Variants in LRRTM4 observed in about 807,000 individuals in gnomAD.
LRRTM4 encodes the protein leucine-rich repeat transmembrane neuronal protein 4.
In LRRTM4, 25 loss-of-function variants were observed where a neutral mutation model predicts 47.6. The ratio of observed to expected loss-of-function variants is 0.53; its 90% CI spans 0.38 to 0.73. The LOEUF is 0.73. LRRTM4 is among the 30% of genes least tolerant of loss of function. The probability of loss-of-function intolerance (pLI) is 0.00; values close to 1 mark genes in which losing one functional copy is unlikely to be tolerated. For missense variants in LRRTM4, 638 were observed against 713.4 expected (o/e 0.89, Z 1.20); for synonymous variants, 311 against 269.5 (o/e 1.15, Z -1.51).
At chr2:76,873,506 G>GTGTGTATATATATATATA (rs367573475) in intron 3 of LRRTM4, among the ~76,000 whole-genome samples, 24 of 112,310 alleles carry the variant, frequency 2.1e-4, no homozygotes, top group African/African-American at 6.5e-4. Flanking sequence ...ATATATGTGT[G>GTGTGTATATATATATATA]TATATATATA....
At chr2:77,190,289 A>C (rs930541402) in intron 3 of LRRTM4, among the ~76,000 whole-genome samples, 2 of 107,526 alleles carry the variant, frequency 1.9e-5, no homozygotes, top group Admixed American at 1.1e-4. Flanking sequence ...GAGCATTTTC[A>C]TCTTTTTTTT....
chr2:77,351,155 A>G (rs931989838), intron 3 of LRRTM4, among the ~76,000 whole-genome samples: 1 of 152,070 alleles, frequency 6.6e-6, no homozygotes, highest in Admixed American at 6.6e-5. Flanking sequence ...CCCACTTATA[A>G]GTGAAAACAT....
At chr2:77,123,546 A>G (rs1008632512) in intron 3 of LRRTM4, among the ~76,000 whole-genome samples, 1 of 152,132 alleles carries the variant, frequency 6.6e-6, no homozygotes, top group Non-Finnish European at 1.5e-5. Flanking sequence ...TCATAAAACC[A>G]ATATATAATC....
chr2:76,863,527 A>G (rs1383411480), intron 3 of LRRTM4, among the ~76,000 whole-genome samples: 1 of 152,266 alleles, frequency 6.6e-6, no homozygotes, highest in South Asian at 2.1e-4. Flanking sequence ...TCACATAGCT[A>G]GTGTAGTAGG....
At chr2:76,783,021 T>C (rs917076333) in intron 3 of LRRTM4, among the ~76,000 whole-genome samples, 3 of 152,098 alleles carry the variant, frequency 2.0e-5, no homozygotes, top group Non-Finnish European at 4.4e-5. Flanking sequence ...TATATATATA[T>C]AAAGCTGAAC....
chr2:76,806,986 G>A (rs1238030731), intron 3 of LRRTM4, among the ~76,000 whole-genome samples: 1 of 151,992 alleles, frequency 6.6e-6, no homozygotes, highest in African/African-American at 2.4e-5. Flanking sequence ...AAATTAATGA[G>A]ACATCAACAA....
intron 3 of LRRTM4, among the ~76,000 whole-genome samples, chr2:77,493,616 G>A (rs10182084): frequency 0.33 from 49,702 of 151,830 alleles, 8,287 homozygotes; most frequent in Middle Eastern, 0.35. Flanking sequence ...ACAGCTTCAT[G>A]GAGAGAAGAT....
chr2:76,830,192 T>C (rs1378962143), intron 3 of LRRTM4, among the ~76,000 whole-genome samples: 1 of 152,026 alleles, frequency 6.6e-6, no homozygotes, highest in Non-Finnish European at 1.5e-5. Flanking sequence ...TCCAGATTCT[T>C]CCATATCTAT....
At chr2:76,843,884 T>G (rs1213428494) in intron 3 of LRRTM4, among the ~76,000 whole-genome samples, 1 of 151,818 alleles carries the variant, frequency 6.6e-6, no homozygotes, top group African/African-American at 2.4e-5. Context: ...CTTTAAAACA[T>G]TAATGATAAT....
At chr2:77,270,934 A>G (rs1676174139) in intron 3 of LRRTM4, among the ~76,000 whole-genome samples, 1 of 152,140 alleles carries the variant, frequency 6.6e-6, no homozygotes, top group South Asian at 2.1e-4. Flanking sequence ...ATATTCAAAA[A>G]CCAATCAGCA....
chr2:77,493,251 T>G (rs6728801), intron 3 of LRRTM4, among the ~76,000 whole-genome samples: 141,078 of 152,114 alleles, frequency 0.93, 65,460 homozygotes, highest in Middle Eastern at 0.94. Flanking sequence ...AATGACATAA[T>G]AATATATATT....
Position 77,009,975 on chromosome 2 carries a change from T to A in LRRTM4, c.1552-261059A>T, listed in dbSNP as rs200462008. On this transcript the variant is annotated intron_variant, in intron 3 of 3. Coordinates refer to ENST00000409884, the MANE Select transcript of LRRTM4 (RefSeq NM_001134745.3). The stretch of plus-strand genomic sequence containing the variant: ...TTTCATCAGGGCAGGACCCTTTTTT[T>A]AAAAAAAAAAAAGTTGATTTAACTT... Among the ~76,000 whole-genome samples, 181 of 145,688 alleles carry A rather than the reference T, an allele frequency of 1.2e-3. 1 individual carries two copies. The highest frequency in any genetic ancestry group is 2.0e-3 in the Non-Finnish European group (134 of 65,716).
intron 3 of LRRTM4, among the ~76,000 whole-genome samples, chr2:77,142,797 G>A (rs903845451): frequency 5.9e-5 from 9 of 152,146 alleles, no homozygotes; most frequent in Non-Finnish European, 8.8e-5. Context: ...CTCATAACAC[G>A]TAATCTCTAA....
chr2:77,031,074 G>T (rs535390802), intron 3 of LRRTM4, among the ~76,000 whole-genome samples: 1 of 152,040 alleles, frequency 6.6e-6, no homozygotes, highest in Non-Finnish European at 1.5e-5. Context: ...ATTTACTCAG[G>T]TTTGTAAGCA....
chr2:77,163,137 C>T (rs982084460), intron 3 of LRRTM4, among the ~76,000 whole-genome samples: 2 of 152,008 alleles, frequency 1.3e-5, no homozygotes, highest in Non-Finnish European at 2.9e-5. Flanking sequence ...CCTTAAATAA[C>T]CTGATGGAGC....
intron 3 of LRRTM4, among the ~76,000 whole-genome samples, chr2:76,990,517 A>G (rs1370107067): frequency 1.3e-5 from 2 of 151,814 alleles, no homozygotes; most frequent in East Asian, 3.9e-4. Context: ...CAGATAAAAC[A>G]GACTTTAAAC....
At chr2:76,803,137 C>T (rs1474140216) in intron 3 of LRRTM4, among the ~76,000 whole-genome samples, 1 of 152,012 alleles carries the variant, frequency 6.6e-6, no homozygotes, top group Non-Finnish European at 1.5e-5. Flanking sequence ...AAAACTTCTG[C>T]ATAGCCAGGG....
chr2:77,230,843 A>T (rs138308769), intron 3 of LRRTM4, among the ~76,000 whole-genome samples: 4 of 152,292 alleles, frequency 2.6e-5, no homozygotes, highest in Admixed American at 2.0e-4. Context: ...TATCACTTTA[A>T]CAATAAGAAA....
intron 3 of LRRTM4, among the ~76,000 whole-genome samples, chr2:76,847,261 C>T (rs926683018): frequency 6.6e-6 from 1 of 152,142 alleles, no homozygotes; most frequent in African/African-American, 2.4e-5. Flanking sequence ...ACAGGTTAGC[C>T]TGAAAATTCT....
Sources: gnomAD v4.1 joint callset for allele counts (sites outside exome capture counted in the v4.1 genomes callset) on GRCh38, gnomAD v4.1.1 for gene constraint, MANE v1.5 for transcripts, NCBI Gene and HGNC (gene_info 2026-07-23, HGNC 2026-07-21) for gene names.